Variants in SSBP4 observed in about 807,000 individuals in gnomAD.
The protein encoded by SSBP4 is single-stranded DNA-binding protein 4.
A neutral mutation model predicts 64.6 loss-of-function variants in SSBP4; 33 were observed. The observed-to-expected ratio is 0.51, with a 90% CI of 0.39 to 0.68. The LOEUF is 0.68. Ranked by LOEUF, SSBP4 falls within the 30% of genes least tolerant of loss-of-function variation. The pLI is 0.00. For missense variants in SSBP4, 583 were observed against 566.8 expected (o/e 1.03, Z -0.29); for synonymous variants, 243 against 224.0 (o/e 1.08, Z -0.76).
chr19:18,427,228 G>C lies in SSBP4; in HGVS notation c.60-123G>C. On this transcript the variant is annotated intron_variant, in intron 1 of 17. Coordinates refer to ENST00000270061, the MANE Select transcript of SSBP4 (RefSeq NM_032627.5). The surrounding 1 kb of genome is among the most constrained non-coding windows in gnomAD (Gnocchi z 4.4). The stretch of plus-strand genomic sequence containing the variant: ...GGACATAGATGGATAACTATGAGCT[G>C]TCCCTGCTGAGCAGCTGGTGGGGAG... 1.1e-6 allele frequency: 1 copy of C among 943,194 alleles called. No homozygotes were observed. The highest frequency in any genetic ancestry group is 1.5e-5 in the South Asian group (1 of 66,226). The allele number at this position is 943,194 out of a possible 1,614,324, so 58.4% of individuals were successfully genotyped here.
rs1973366567 is a variant in SSBP4 at position 18,431,377 on chromosome 19, C to G, written c.394C>G (p.Pro132Ala). 7.1e-7 allele frequency: 1 copy of G among 1,414,388 alleles called. No homozygotes were observed. Among genetic ancestry groups the G allele is most frequent in the Non-Finnish European group, 9.6e-7 (1 of 1,038,616 alleles). The allele number at this position is 1,414,388 out of a possible 1,614,324, so 87.6% of individuals were successfully genotyped here. Reference sequence around the variant, plus strand: ...GGGCCCCCCCGGCTCCCAGCCGTCCCCCCACAACCCCAACGCCCCCATGAT... The same window carrying G: ...GGGCCCCCCCGGCTCCCAGCCGTCCGCCCACAACCCCAACGCCCCCATGAT... ...FQGPPGSQPS[P>A]HNPNAPMMGP... Residue 132 changes from proline (P) to alanine (A), a missense_variant, in exon 6 of 18, where the codon CCC (proline) becomes GCC (alanine). Physicochemically the swap from Pro to Ala is conservative, Grantham distance 27. Around this residue, in one of 5 missense-constraint regions of SSBP4, gnomAD observed 444 missense variants for 386.6 expected, o/e 1.15. Transcript: ENST00000270061.
chr19:18,410,241 C>A, the SSBP4 span, among the ~76,000 whole-genome samples: 12 of 152,154 alleles, frequency 7.9e-5, no homozygotes, highest in African/African-American at 2.9e-4. Flanking sequence ...CATGATCCGC[C>A]CGCCTCGACC....
At position 18,434,260 on chromosome 19, in the gene SSBP4, C is replaced by CCGGGCCTCTCTG; in HGVS notation, c.*22_*33dup. On this transcript the variant is annotated 3_prime_UTR_variant, in exon 18 of 18. Coordinates refer to ENST00000270061, the MANE Select transcript of SSBP4 (RefSeq NM_032627.5). ...ATGAGCGTGTGATGGGGCGGCAGCCCCGGGCCTCTCTGCGGGCCTAGGCTT... is the reference window on the plus strand; with the variant it reads ...ATGAGCGTGTGATGGGGCGGCAGCCCCGGGCCTCTCTGCGGGCCTCTCTGCGGGCCTAGGCTT... 1 of 1,611,034 alleles carries CCGGGCCTCTCTG rather than the reference C, an allele frequency of 6.2e-7. No individual in the cohort carries two copies. The highest frequency in any genetic ancestry group is 1.1e-5 in the South Asian group (1 of 90,920).
At chr19:18,410,006 T>G in the SSBP4 span, among the ~76,000 whole-genome samples, 1 of 152,120 alleles carries the variant, frequency 6.6e-6, no homozygotes, top group African/African-American at 2.4e-5. Context: ...TAATTTTTGT[T>G]TTTTGGAGAC....
Position 18,432,835 on chromosome 19 carries a change from C to G in SSBP4, c.793C>G (p.Pro265Ala). The G allele has an allele frequency of 6.2e-7, 1 of 1,613,956 alleles. No homozygotes were observed. Among genetic ancestry groups the G allele is most frequent in the East Asian group, 2.2e-5 (1 of 44,878 alleles). ...TCCTGTCTCTTGTGTGCAGGGACCC[C>G]CAGGAGGAGGTGGGCCCCCTGGAAC... Reference protein sequence around the residue: ...SSSPGSYTGPPGGGGPPGTPI... With the variant: ...SSSPGSYTGPAGGGGPPGTPI... Residue 265 changes from proline to alanine, a missense_variant, in exon 13 of 18, where the codon CCA (proline) becomes GCA (alanine). This residue lies in a region of SSBP4 where 444 missense variants were observed against 386.6 expected (regional missense o/e 1.15). Transcript: ENST00000270061.
At position 18,431,674 on chromosome 19, in the gene SSBP4, G is replaced by A. The variant is rs1395276256; in HGVS notation, c.463G>A (p.Gly155Ser). The A allele has an allele frequency of 6.4e-7, 1 of 1,552,822 alleles. No individual in the cohort carries two copies. The highest frequency in any genetic ancestry group is 8.7e-7 in the Non-Finnish European group (1 of 1,148,768). Residue 155 changes from glycine (G) to serine (S), a missense_variant, in exon 7 of 18, where the codon GGC becomes AGC. Coordinates refer to ENST00000270061, the MANE Select transcript of SSBP4 (RefSeq NM_032627.5). ...QPFMSPRFPGGPRPTLRMPSQ... is the reference protein window; with the variant it reads ...QPFMSPRFPGSPRPTLRMPSQ... ...CTTCATGTCACCGCGCTTCCCAGGG[G>A]GCCCCCGGCCCACCCTGCGGATGCC... is the stretch of plus-strand genomic sequence containing the variant.
chr19:18,416,323 T>C (rs559595121), upstream of SSBP4, among the ~76,000 whole-genome samples: 12 of 152,196 alleles, frequency 7.9e-5, no homozygotes, highest in African/African-American at 2.2e-4. Context: ...CCGGTTTTTT[T>C]AGTTTTTAGT....
At chr19:18,419,390 G>A (rs1972262106), upstream of SSBP4, 2 of 1,032,314 alleles carry the variant, frequency 1.9e-6, no homozygotes, top group Admixed American at 5.6e-5. Flanking sequence ...GGGAGGAGGG[G>A]AGCGCGCGTT....
At chr19:18,431,068 TGCCCAGGTGG>T (rs1973326480) in intron 5 of SSBP4, 138 bp downstream of exon 5, 1 of 1,073,526 alleles carries the variant, frequency 9.3e-7, no homozygotes, top group Admixed American at 2.3e-5. Context: ...GCCGCAGGTG[TGCCCAGGTGG>T]GCCTTTCAGG....
intron 1 of SSBP4, among the ~76,000 whole-genome samples, chr19:18,422,769 G>C (rs1468071908): frequency 6.6e-6 from 1 of 152,258 alleles, no homozygotes; most frequent in Non-Finnish European, 1.5e-5. Flanking sequence ...GCCACTTCCT[G>C]CCTCTGGGCC....
intron 4 of SSBP4, among the ~76,000 whole-genome samples, chr19:18,429,441 A>T (rs1973154156): frequency 7.8e-6 from 1 of 128,826 alleles, no homozygotes; most frequent in Non-Finnish European, 1.7e-5. Context: ...CTCAGGGCCT[A>T]GAGTTGGGAA....
At chr19:18,430,138 G>T (rs897494630) in intron 4 of SSBP4, among the ~76,000 whole-genome samples, 2 of 152,126 alleles carry the variant, frequency 1.3e-5, no homozygotes, top group African/African-American at 4.8e-5. Flanking sequence ...ACAGACAGGG[G>T]CCAGGAGAGA....
At chr19:18,433,421 C>T in intron 15 of SSBP4, 164 bp from the exon 16 acceptor site, 6 of 1,346,544 alleles carry the variant, frequency 4.5e-6, no homozygotes, top group Non-Finnish European at 6.1e-6. Flanking sequence ...CCCTCCCCCC[C>T]AGGCCCAACC....
chr19:18,432,514 C>T (rs2144799486), intron 10 of SSBP4, 45 bp from the exon 11 acceptor site: 2 of 1,535,398 alleles, frequency 1.3e-6, no homozygotes, highest in Non-Finnish European at 1.8e-6. Flanking sequence ...GGGCTGTGAT[C>T]CACATGGACT....
the SSBP4 span, among the ~76,000 whole-genome samples, chr19:18,404,911 AG>A: frequency 6.7e-6 from 1 of 149,940 alleles, no homozygotes; most frequent in Non-Finnish European, 1.5e-5. Flanking sequence ...AAAAAAAAAA[AG>A]ATAAATATTC....
chr19:18,420,462 T>G (rs1414410131), intron 1 of SSBP4, among the ~76,000 whole-genome samples: 1 of 151,274 alleles, frequency 6.6e-6, no homozygotes, highest in Non-Finnish European at 1.5e-5. Flanking sequence ...TCTCTCGGGG[T>G]GGGGAGTCAG....
Position 18,419,606 on chromosome 19 carries a change from C to T in SSBP4, c.-43C>T, listed in dbSNP as rs1972285524. On this transcript the variant is annotated 5_prime_UTR_variant, in exon 1 of 18. Transcript: ENST00000270061. ...CGACGGCAAGCGCGGCCCGCGGCGCCGCCTGACAGGTGTGGGCCCCGGCGG... is the reference window on the plus strand; with the variant it reads ...CGACGGCAAGCGCGGCCCGCGGCGCTGCCTGACAGGTGTGGGCCCCGGCGG... 1.6e-6 allele frequency: 2 copies of T among 1,245,716 alleles called. No individual in the cohort carries two copies. The highest frequency in any genetic ancestry group is 3.8e-5 in the East Asian group (1 of 26,592). The allele number at this position is 1,245,716 out of a possible 1,614,324, so 77.2% of individuals were successfully genotyped here.
chr19:18,406,357 A>G, the SSBP4 span, among the ~76,000 whole-genome samples: 1 of 150,846 alleles, frequency 6.6e-6, no homozygotes, highest in African/African-American at 2.4e-5. Flanking sequence ...CATTATTATT[A>G]TTATGTAGAG....
At chr19:18,419,800 G>C (rs1446322495) in intron 1 of SSBP4, 93 bp downstream of exon 1, 1 of 965,748 alleles carries the variant, frequency 1.0e-6, no homozygotes, top group African/African-American at 1.8e-5. Flanking sequence ...GGGCGCGGGC[G>C]GCGGGGAGCG....
Sources: gnomAD v4.1 joint callset for allele counts (sites outside exome capture counted in the v4.1 genomes callset) on GRCh38, gnomAD v4.1.1 for gene constraint, gnomAD v4.1.1 regional missense constraint, Gnocchi (gnomAD v3.1) non-coding constraint, MANE v1.5 for transcripts, NCBI Gene and HGNC (gene_info 2026-07-23, HGNC 2026-07-21) for gene names.